Variants in KCNMB2 observed in about 807,000 individuals in gnomAD.
KCNMB2 encodes potassium calcium-activated channel subfamily M regulatory beta subunit 2, also known as calcium-activated potassium channel subunit beta-2.
Under a neutral mutation model 24.5 loss-of-function variants are expected in KCNMB2, and 9 were observed. The observed-to-expected ratio is 0.37, with a 90% CI of 0.22 to 0.64. The LOEUF is 0.64. KCNMB2 is among the 30% of genes least tolerant of loss of function. The probability of loss-of-function intolerance (pLI) is 0.63; values close to 1 mark genes in which losing one functional copy is unlikely to be tolerated. For synonymous variants in KCNMB2, 109 were observed against 104.4 expected (o/e 1.04, Z -0.27); for missense variants, 226 against 284.3 (o/e 0.79, Z 1.47).
chr3:178,634,261 A>T (rs1719431703), intron 1 of KCNMB2, among the ~76,000 whole-genome samples: 1 of 151,818 alleles, frequency 6.6e-6, no homozygotes, highest in African/African-American at 2.4e-5. Flanking sequence ...TTACAGCAGC[A>T]CTCCACTCTC....
chr3:178,807,649 C>G (rs528347344), intron 2 of KCNMB2, among the ~76,000 whole-genome samples, 184 bp downstream of exon 2: 1 of 152,278 alleles, frequency 6.6e-6, no homozygotes, highest in East Asian at 1.9e-4. Flanking sequence ...TACATGTTCG[C>G]TTTCAGCACA....
chr3:178,676,505 T>C lies in KCNMB2; in HGVS notation c.-67-130838T>C, dbSNP rs142461699. ...CCATTTTTCTCCTCCAGCTCCACCA[T>C]TCTCTCCAAGCACACCTTAGTGGCT... On this transcript the variant is annotated intron_variant, in intron 1 of 4. Coordinates refer to ENST00000452583, the MANE Select transcript of KCNMB2 (RefSeq NM_181361.3). Among the ~76,000 whole-genome samples, 778 of 152,254 alleles carry C rather than the reference T, an allele frequency of 5.1e-3. 6 individuals are homozygous for C. The highest frequency in any genetic ancestry group is 0.017 in the South Asian group (81 of 4,828).
At chr3:178,627,277 A>G (rs1212610002) in intron 1 of KCNMB2, among the ~76,000 whole-genome samples, 1 of 152,186 alleles carries the variant, frequency 6.6e-6, no homozygotes, top group Non-Finnish European at 1.5e-5. Flanking sequence ...TACAACTACA[A>G]AGAAAATACT....
chr3:178,758,694 C>CCAAGAGGATATATATATATATATATATA (rs1711502674), intron 1 of KCNMB2, among the ~76,000 whole-genome samples: 1 of 10,026 alleles, frequency 1.0e-4, no homozygotes, highest in Non-Finnish European at 1.7e-4. Context: ...ATATATCTCT[C>CCAAGAGGATATATATATATATATATATA]TCTCTACAAG....
At chr3:178,615,557 C>T (rs1718674228) in intron 1 of KCNMB2, among the ~76,000 whole-genome samples, 1 of 152,236 alleles carries the variant, frequency 6.6e-6, no homozygotes, top group African/African-American at 2.4e-5. Context: ...CCATCACCAT[C>T]CCAGGCCACA....
Position 178,781,339 on chromosome 3 carries a change from C to A in KCNMB2, c.-67-26004C>A, listed in dbSNP as rs150387496. On this transcript the variant is annotated intron_variant, in intron 1 of 4. Transcript: ENST00000452583. Reference sequence around the variant, plus strand: ...GGGCACGGTGGCTCACGCCTGTAATCCCAGCACTTTGGGAGGCTGAGGTGG... The same window carrying A: ...GGGCACGGTGGCTCACGCCTGTAATACCAGCACTTTGGGAGGCTGAGGTGG... Among the ~76,000 whole-genome samples the A allele has an allele frequency of 7.9e-3, 1,202 of 152,060 alleles. 15 individuals carry two copies. Among genetic ancestry groups the A allele is most frequent in the African/African-American group, 0.028 (1,169 of 41,484 alleles).
At chr3:178,783,089 A>T (rs1330308688) in intron 1 of KCNMB2, among the ~76,000 whole-genome samples, 1 of 151,146 alleles carries the variant, frequency 6.6e-6, no homozygotes, top group African/African-American at 2.4e-5. Context: ...TTTGTCAAAG[A>T]TCAGATAGTT....
At chr3:178,781,412 T>TTTAGTA (rs1712831653) in intron 1 of KCNMB2, among the ~76,000 whole-genome samples, 1 of 151,332 alleles carries the variant, frequency 6.6e-6, no homozygotes, top group African/African-American at 2.4e-5. Context: ...GCCAACATGG[T>TTTAGTA]GAAACCCCGT....
chr3:178,706,761 T>C (rs1167566637), intron 1 of KCNMB2, among the ~76,000 whole-genome samples: 2 of 152,132 alleles, frequency 1.3e-5, no homozygotes, highest in Admixed American at 1.3e-4. Context: ...AAGTGCGCAT[T>C]ATAGTCCACA....
At chr3:178,722,759 G>A (rs1168168072) in intron 1 of KCNMB2, among the ~76,000 whole-genome samples, 1 of 152,168 alleles carries the variant, frequency 6.6e-6, no homozygotes, top group Admixed American at 6.5e-5. Flanking sequence ...TGGGTGTGGT[G>A]ATGCATGCTT....
intron 1 of KCNMB2, among the ~76,000 whole-genome samples, chr3:178,561,789 A>G (rs955889297): frequency 6.6e-6 from 1 of 152,206 alleles, no homozygotes; most frequent in African/African-American, 2.4e-5. Flanking sequence ...TGCAAGGTGA[A>G]GGAAGAGTGA....
intron 1 of KCNMB2, among the ~76,000 whole-genome samples, chr3:178,628,517 G>C (rs1415644229): frequency 2.0e-5 from 3 of 152,124 alleles, no homozygotes; most frequent in Non-Finnish European, 2.9e-5. Flanking sequence ...TTTGATTATT[G>C]TGATCTAGCA....
At chr3:178,711,149 A>C (rs1722440608) in intron 1 of KCNMB2, among the ~76,000 whole-genome samples, 1 of 152,224 alleles carries the variant, frequency 6.6e-6, no homozygotes. Context: ...AGTTGAGAAA[A>C]AGTGATGAGA....
In KCNMB2 at chr3:178,740,244, G is replaced by C. The variant is rs1238644433; in HGVS notation, c.-67-67099G>C. ...CACCATTCCCCTACCTCAGCCTCCTGAGTAGCTGGGACTACAGGCACCTGC... is the reference window on the plus strand; with the variant it reads ...CACCATTCCCCTACCTCAGCCTCCTCAGTAGCTGGGACTACAGGCACCTGC... On this transcript the variant is annotated intron_variant, in intron 1 of 4. Coordinates refer to ENST00000452583, the MANE Select transcript of KCNMB2 (RefSeq NM_181361.3). Among the ~76,000 whole-genome samples, 13 of 151,738 alleles carry C rather than the reference G, an allele frequency of 8.6e-5. No homozygotes were observed. The East Asian group carries it at 2.1e-3, about 25-fold the overall frequency.
At chr3:178,672,814 C>T (rs779364766) in intron 1 of KCNMB2, among the ~76,000 whole-genome samples, 27 of 152,252 alleles carry the variant, frequency 1.8e-4, no homozygotes, top group East Asian at 3.9e-4. Flanking sequence ...TTTCCAAAAC[C>T]GCTCTCCTCT....
At chr3:178,836,061 A>G (rs1715216881) in intron 4 of KCNMB2, among the ~76,000 whole-genome samples, 1 of 152,150 alleles carries the variant, frequency 6.6e-6, no homozygotes, top group Admixed American at 6.6e-5. Context: ...CCTTGAAGTG[A>G]TCTGAGAAAT....
chr3:178,642,045 A>C (rs540418251), intron 1 of KCNMB2, among the ~76,000 whole-genome samples: 2 of 152,272 alleles, frequency 1.3e-5, no homozygotes, highest in South Asian at 2.1e-4. Flanking sequence ...CCCCAGGTAA[A>C]ATAAATTACT....
At chr3:178,839,276 G>T (rs1370515457) in intron 4 of KCNMB2, among the ~76,000 whole-genome samples, 1 of 151,138 alleles carries the variant, frequency 6.6e-6, no homozygotes, top group Non-Finnish European at 1.5e-5. Context: ...CTCAGAGATA[G>T]CTTTTTTAAT....
At chr3:178,558,170 A>AT (rs1034374478) in intron 1 of KCNMB2, among the ~76,000 whole-genome samples, 68 of 129,862 alleles carry the variant, frequency 5.2e-4, no homozygotes, top group Middle Eastern at 4.2e-3. Context: ...GAAGTTTCCC[A>AT]TTTTAACCCA....
Sources: gnomAD v4.1 joint callset for allele counts (sites outside exome capture counted in the v4.1 genomes callset) on GRCh38, gnomAD v4.1.1 for gene constraint, MANE v1.5 for transcripts, NCBI Gene and HGNC (gene_info 2026-07-23, HGNC 2026-07-21) for gene names.